ASIC2: variants seen among roughly 807,000 people sequenced by gnomAD.
ASIC2 encodes acid sensing ion channel subunit 2.
ASIC2 carries 25 observed loss-of-function variants against 57.3 expected under a neutral mutation model. That is an observed-to-expected ratio of 0.44 (90% CI 0.32 to 0.61). ASIC2 has a LOEUF of 0.61. ASIC2 is among the 20% of genes least tolerant of loss of function. The probability of loss-of-function intolerance (pLI) is 0.06; values close to 1 mark genes in which losing one functional copy is unlikely to be tolerated. For missense variants in ASIC2, 641 were observed against 738.1 expected, an observed-to-expected ratio of 0.87 and a Z score of 1.52; for synonymous variants, 319 against 307.5, an observed-to-expected ratio of 1.04 and a Z score of -0.39.
chr17:33,532,829 G>A (rs1320778401), intron 1 of ASIC2, among the ~76,000 whole-genome samples: 1 of 152,192 alleles, frequency 6.6e-6, no homozygotes, highest in East Asian at 1.9e-4. Flanking sequence ...TCTGCCTAGA[G>A]CAGTATTTCT....
rs538792967 is a variant in ASIC2, at chr17:33,163,524, T to C, written c.709-51457A>G. On this transcript the variant is annotated intron_variant, in intron 1 of 9. Coordinates refer to ENST00000225823, the MANE Select transcript of ASIC2 (RefSeq NM_183377.2). The stretch of plus-strand genomic sequence containing the variant: ...TGGGGGAGGGGAAGGGACCTGACCT[T>C]CATTAGGCACTCGTGTGTGCCAGGC... Among the ~76,000 whole-genome samples the C allele has an allele frequency of 3.9e-5, 6 of 152,150 alleles. No individual in the cohort carries two copies. In the East Asian group the frequency reaches 9.7e-4, roughly 25 times the overall value.
At chr17:33,956,483 C>T (rs1475373553) in intron 1 of ASIC2, among the ~76,000 whole-genome samples, 1 of 152,166 alleles carries the variant, frequency 6.6e-6, no homozygotes, top group African/African-American at 2.4e-5. Flanking sequence ...ACTTTCCAAC[C>T]TCCATCTCTG....
At chr17:33,532,696 T>A (rs1915089274) in intron 1 of ASIC2, among the ~76,000 whole-genome samples, 1 of 152,236 alleles carries the variant, frequency 6.6e-6, no homozygotes, top group Non-Finnish European at 1.5e-5. Flanking sequence ...CTGTCTCAGC[T>A]CAGACCTGCA....
At chr17:33,560,432 C>T (rs2043474) in intron 1 of ASIC2, among the ~76,000 whole-genome samples, 86,137 of 151,998 alleles carry the variant, frequency 0.57, 25,564 homozygotes, top group African/African-American at 0.75. Flanking sequence ...TTAAATAAAT[C>T]TGACAGGAAA....
intron 2 of ASIC2, among the ~76,000 whole-genome samples, chr17:33,096,222 G>T (rs904046637): frequency 6.6e-6 from 1 of 152,194 alleles, no homozygotes; most frequent in Non-Finnish European, 1.5e-5. Flanking sequence ...GTTCATAGAA[G>T]CAGAAAGGAA....
chr17:33,089,489 C>T lies in ASIC2; in HGVS notation c.860-499G>A, dbSNP rs1179175687. Among the ~76,000 whole-genome samples, 12 of 152,288 alleles carry T rather than the reference C, an allele frequency of 7.9e-5. No homozygotes were observed. In the East Asian group the frequency reaches 2.1e-3, roughly 27 times the overall value. ...GGGAAATCCATTTTGGACTTCTGACCTCCAGAATTTTAAGATAACGAATTT... is the reference window on the plus strand; with the variant it reads ...GGGAAATCCATTTTGGACTTCTGACTTCCAGAATTTTAAGATAACGAATTT... On this transcript the variant is annotated intron_variant, in intron 2 of 9. Transcript: ENST00000225823.
At chr17:33,519,637 G>C (rs1358050278) in intron 1 of ASIC2, among the ~76,000 whole-genome samples, 1 of 152,176 alleles carries the variant, frequency 6.6e-6, no homozygotes, top group African/African-American at 2.4e-5. Flanking sequence ...ATTTTGAGCA[G>C]GTAGGCAGCT....
At chr17:33,468,633 A>G (rs1263467029) in intron 1 of ASIC2, among the ~76,000 whole-genome samples, 1 of 151,802 alleles carries the variant, frequency 6.6e-6, no homozygotes, top group East Asian at 1.9e-4. Flanking sequence ...CCTCACCACA[A>G]CTTTATAATA....
chr17:34,099,738 GAAAGAAA>G (rs1567821637), intron 1 of ASIC2, among the ~76,000 whole-genome samples: 1 of 506 alleles, frequency 2.0e-3, no homozygotes, highest in Non-Finnish European at 8.5e-3. Flanking sequence ...AAGAAGGAAA[GAAAGAAA>G]GAAAGAAAGA....
intron 1 of ASIC2, among the ~76,000 whole-genome samples, chr17:34,096,743 G>C (rs1910560059): frequency 6.7e-6 from 1 of 150,114 alleles, no homozygotes; most frequent in Non-Finnish European, 1.5e-5. Context: ...TGTAGTCCCA[G>C]CTACTTGGGA....
intron 1 of ASIC2, among the ~76,000 whole-genome samples, chr17:33,284,353 G>A (rs1158442829): frequency 6.6e-6 from 1 of 152,194 alleles, no homozygotes; most frequent in African/African-American, 2.4e-5. Context: ...TAGTGATTTA[G>A]TTGAGGTTGT....
rs543206028 is a variant in ASIC2, at chr17:33,311,402, G to T, written c.556-199335C>A. Among the ~76,000 whole-genome samples the T allele has an allele frequency of 3.0e-4, 44 of 149,024 alleles. 1 individual carries two copies. Among genetic ancestry groups the T allele is most frequent in the African/African-American group, 8.8e-4 (35 of 39,988 alleles). On this transcript the variant is annotated intron_variant, in intron 1 of 9. Coordinates refer to the ASIC2 transcript ENST00000359872. ...TTGCTCCTAGCAATTGTGTGTGTTT[G>T]TATGTGTGTGTGTCTGTCTGTCTAT...
intron 1 of ASIC2, among the ~76,000 whole-genome samples, chr17:33,615,341 T>A (rs1241967147): frequency 6.6e-6 from 1 of 152,230 alleles, no homozygotes; most frequent in African/African-American, 2.4e-5. Flanking sequence ...TGGGTGTTAT[T>A]ATTTTAAAAA....
At chr17:33,695,377 C>T (rs1214828385) in intron 1 of ASIC2, among the ~76,000 whole-genome samples, 1 of 151,934 alleles carries the variant, frequency 6.6e-6, no homozygotes, top group Non-Finnish European at 1.5e-5. Context: ...TGGGGAGTGG[C>T]AGTAAATGTG....
At chr17:33,346,792 A>G (rs995498630) in intron 1 of ASIC2, among the ~76,000 whole-genome samples, 4 of 152,198 alleles carry the variant, frequency 2.6e-5, no homozygotes, top group Non-Finnish European at 5.9e-5. Flanking sequence ...AGGTGCTTCA[A>G]TATTTGGAGT....
At chr17:33,544,507 G>C (rs1915519371) in intron 1 of ASIC2, among the ~76,000 whole-genome samples, 1 of 152,166 alleles carries the variant, frequency 6.6e-6, no homozygotes, top group Admixed American at 6.5e-5. Context: ...ATTCTCATCA[G>C]CATTGCACTG....
intron 1 of ASIC2, among the ~76,000 whole-genome samples, chr17:33,917,514 T>G (rs1915609238): frequency 6.6e-6 from 1 of 152,148 alleles, no homozygotes; most frequent in Non-Finnish European, 1.5e-5. Context: ...ACCATACCCA[T>G]TCTCTTCCCC....
chr17:33,910,342 T>C (rs2141958569), intron 1 of ASIC2, among the ~76,000 whole-genome samples: 1 of 152,270 alleles, frequency 6.6e-6, no homozygotes, highest in Non-Finnish European at 1.5e-5. Context: ...TCAGAGAGGT[T>C]AAACAACTGG....
chr17:33,098,535 G>C lies in ASIC2; in HGVS notation c.860-9545C>G, dbSNP rs114024207. On this transcript the variant is annotated intron_variant, in intron 2 of 9. Coordinates refer to ENST00000225823, the MANE Select transcript of ASIC2 (RefSeq NM_183377.2). Reference sequence around the variant, plus strand: ...TGCGGGATGGGCTGCAATTATGCCTGTTCTGGGTGGCAGCGTGATGCAGCA... The same window carrying C: ...TGCGGGATGGGCTGCAATTATGCCTCTTCTGGGTGGCAGCGTGATGCAGCA... 5.6e-3 allele frequency among the ~76,000 whole-genome samples: 850 copies of C among 152,288 alleles called. 10 individuals carry two copies. Among genetic ancestry groups the C allele is most frequent in the African/African-American group, 0.019 (785 of 41,554 alleles).
Sources: allele counts gnomAD v4.1 joint callset (sites outside exome capture counted in the v4.1 genomes callset), GRCh38; gene constraint gnomAD v4.1.1; transcripts MANE v1.5; gene names NCBI Gene and HGNC (gene_info 2026-07-23, HGNC 2026-07-21).